The following RGPD1 variants were observed in gnomAD, a reference collection of about 807,000 sequenced individuals.
The protein encoded by RGPD1 is RANBP2-like and GRIP domain-containing protein 1.
RGPD1 carries 7 observed loss-of-function variants against 40.6 expected under a neutral mutation model. The ratio of observed to expected loss-of-function variants is 0.17; its 90% CI spans 0.10 to 0.32. The LOEUF (loss-of-function observed/expected upper bound fraction) is 0.32. RGPD1 is among the 10% of genes least tolerant of loss of function. RGPD1 has a pLI of 1.00. For missense variants in RGPD1, 50 were observed against 472.5 expected (o/e 0.11, Z 8.29); for synonymous variants, 24 against 167.0 (o/e 0.14, Z 6.60).
At chr2:86,941,070 TAAA>T (rs1268751470), upstream of RGPD1, among the ~76,000 whole-genome samples, 2 of 151,622 alleles carry the variant, frequency 1.3e-5, no homozygotes, top group Admixed American at 6.6e-5. Flanking sequence ...ACAAAAAGGA[TAAA>T]AAATTATCCA....
At chr2:86,918,591 C>T (rs1281438191) in intron 1 of RGPD1, among the ~76,000 whole-genome samples, 1 of 147,188 alleles carries the variant, frequency 6.8e-6, no homozygotes, top group Non-Finnish European at 1.5e-5. Context: ...TCCCGAGTAG[C>T]CGGGACTACA....
rs559081575 is a variant in RGPD1, at chr2:86,942,928, C to T, written c.72+620C>T. ...TCCCGACGGTGCTCGCTCGTGGGCC[C>T]GCCCTGGCCCGGGCTTTCTGGCCCC... is the stretch of plus-strand genomic sequence containing the variant. On this transcript the variant is annotated intron_variant, in intron 1 of 22. Transcript: ENST00000641458. Among the ~76,000 whole-genome samples, 267 of 152,126 alleles carry T rather than the reference C, an allele frequency of 1.8e-3. 2 individuals are homozygous for T. Among genetic ancestry groups the T allele is most frequent in the African/African-American group, 6.1e-3 (252 of 41,536 alleles).
intron 1 of RGPD1, among the ~76,000 whole-genome samples, chr2:86,931,496 C>A (rs1254360583): frequency 6.6e-6 from 1 of 151,438 alleles, no homozygotes; most frequent in Non-Finnish European, 1.5e-5. Flanking sequence ...CTGATGTGTA[C>A]CAACCAAGAC....
intron 1 of RGPD1, among the ~76,000 whole-genome samples, chr2:86,942,723 G>C (rs1480924171): frequency 6.7e-6 from 1 of 149,988 alleles, no homozygotes; most frequent in East Asian, 2.0e-4. Flanking sequence ...CGGCGGCCTC[G>C]ATGGCTCAGG....
chr2:86,962,766 A>G (rs1158573161), intron 6 of RGPD1, among the ~76,000 whole-genome samples: 1 of 20,148 alleles, frequency 5.0e-5, no homozygotes, highest in Non-Finnish European at 8.8e-5. Flanking sequence ...CTAATCTTAT[A>G]TTTATCCTGT....
upstream of RGPD1, among the ~76,000 whole-genome samples, chr2:86,941,358 A>T (rs1192361400): frequency 6.6e-6 from 1 of 150,434 alleles, no homozygotes; most frequent in Non-Finnish European, 1.5e-5. Flanking sequence ...TGCTAGTGAA[A>T]TATATATAGA....
chr2:86,929,827 C>T (rs1362662089), intron 1 of RGPD1, among the ~76,000 whole-genome samples: 1 of 143,840 alleles, frequency 7.0e-6, no homozygotes, highest in East Asian at 2.2e-4. Flanking sequence ...CCAGCCCTTT[C>T]AGGCAGATTC....
upstream of RGPD1, among the ~76,000 whole-genome samples, chr2:86,941,793 C>T (rs1001669814): frequency 1.3e-4 from 20 of 150,556 alleles, no homozygotes; most frequent in African/African-American, 4.2e-4. Context: ...TCACTGCAAC[C>T]CTCGCCTCTC....
upstream of RGPD1, among the ~76,000 whole-genome samples, chr2:86,940,805 T>C (rs917236123): frequency 2.0e-5 from 3 of 150,362 alleles, no homozygotes; most frequent in Non-Finnish European, 4.5e-5. Flanking sequence ...TACTAGGCTA[T>C]CCCCACATGG....
At chr2:86,954,870 T>A (rs934895978) in intron 4 of RGPD1, among the ~76,000 whole-genome samples, 27 of 126,424 alleles carry the variant, frequency 2.1e-4, no homozygotes, top group Non-Finnish European at 4.3e-4. Flanking sequence ...CTGCCCCTTT[T>A]GTAGTCATGC....
chr2:86,960,591 G>A (rs560067235), intron 6 of RGPD1, among the ~76,000 whole-genome samples: 2 of 130,364 alleles, frequency 1.5e-5, no homozygotes, highest in Non-Finnish European at 3.2e-5. Flanking sequence ...GGATGGTCTC[G>A]ATCTTTTTTT....
upstream of RGPD1, among the ~76,000 whole-genome samples, chr2:86,939,628 G>A (rs1679596310): frequency 7.2e-6 from 1 of 138,018 alleles, no homozygotes; most frequent in Non-Finnish European, 1.6e-5. Flanking sequence ...CTCTCTTTGG[G>A]CACTCCTTTT....
intron 1 of RGPD1, among the ~76,000 whole-genome samples, chr2:86,942,921 G>A (rs898203506): frequency 4.6e-5 from 7 of 151,998 alleles, no homozygotes; most frequent in Admixed American, 6.5e-5. Context: ...GTGCTCGCTC[G>A]TGGGCCCGCC....
At chr2:86,944,527 C>T (rs548150675) in intron 1 of RGPD1, among the ~76,000 whole-genome samples, 12 of 151,902 alleles carry the variant, frequency 7.9e-5, no homozygotes, top group Admixed American at 2.0e-4. Context: ...CTCAGTCTCC[C>T]GAGTAGTTGG....
intron 1 of RGPD1, among the ~76,000 whole-genome samples, chr2:86,924,726 T>C (rs1412291548): frequency 1.3e-5 from 2 of 151,880 alleles, no homozygotes; most frequent in African/African-American, 4.8e-5. Flanking sequence ...CCTGCCCCTA[T>C]CTCCCAAAGT....
chr2:87,008,980 G>C (rs1682150955), intron 22 of RGPD1, among the ~76,000 whole-genome samples: 2 of 148,086 alleles, frequency 1.4e-5, no homozygotes, highest in Admixed American at 6.7e-5. Flanking sequence ...GTGGAACATG[G>C]AGACTTTTTG....
At chr2:86,925,015 G>A (rs1315163248) in intron 1 of RGPD1, among the ~76,000 whole-genome samples, 1 of 152,060 alleles carries the variant, frequency 6.6e-6, no homozygotes. Flanking sequence ...CTAGCTACTT[G>A]GAGGCTGAGG....
chr2:86,962,577 C>G (rs1284080229), intron 6 of RGPD1, among the ~76,000 whole-genome samples: 1 of 118,772 alleles, frequency 8.4e-6, no homozygotes, highest in Non-Finnish European at 1.7e-5. Context: ...GTAAAAAGAG[C>G]AATTGCTGTA....
chr2:87,008,761 A>G (rs1558819302), intron 22 of RGPD1, among the ~76,000 whole-genome samples: 1 of 37,422 alleles, frequency 2.7e-5, no homozygotes, highest in Non-Finnish European at 5.1e-5. Flanking sequence ...AAGAAGAAAT[A>G]AAGATGAAAT....
Sources: gnomAD v4.1 joint callset for allele counts (sites outside exome capture counted in the v4.1 genomes callset) on GRCh38, gnomAD v4.1.1 for gene constraint, MANE v1.5 for transcripts, NCBI Gene and HGNC (gene_info 2026-07-23, HGNC 2026-07-21) for gene names.